Variants in LHFPL3 observed in about 807,000 individuals in gnomAD.
The protein encoded by LHFPL3 is LHFPL tetraspan subfamily member 3.
Under a neutral mutation model 19.3 loss-of-function variants are expected in LHFPL3, and 5 were observed. That is an observed-to-expected ratio of 0.26 (90% CI 0.14 to 0.54). The LOEUF (loss-of-function observed/expected upper bound fraction) is 0.54, where lower values mean the gene tolerates loss of function less well. Among genes scored for constraint, LHFPL3 ranks in the 20% least tolerant of loss-of-function variants. The pLI, the probability that LHFPL3 is intolerant of heterozygous loss-of-function variation, is 0.94. For missense variants in LHFPL3, 249 were observed against 307.4 expected (o/e 0.81, Z 1.42); for synonymous variants, 133 against 126.2 (o/e 1.05, Z -0.36).
chr7:104,872,410 C>G (rs946290857), intron 2 of LHFPL3, among the ~76,000 whole-genome samples: 6 of 151,818 alleles, frequency 4.0e-5, no homozygotes, highest in Admixed American at 3.3e-4. Context: ...TTTAGGAGGC[C>G]AAGGTGGGTG....
chr7:104,699,482 C>T (rs575913734), intron 1 of LHFPL3, among the ~76,000 whole-genome samples: 2 of 152,158 alleles, frequency 1.3e-5, no homozygotes, highest in African/African-American at 2.4e-5. Context: ...ACGTGCGGTT[C>T]CATGAGTAGT....
intron 1 of LHFPL3, among the ~76,000 whole-genome samples, chr7:104,676,804 T>C (rs192345321): frequency 1.3e-5 from 2 of 152,360 alleles, no homozygotes; most frequent in East Asian, 3.9e-4. Flanking sequence ...GAGGACAGTG[T>C]GTCCTATTTG....
chr7:104,756,111 G>A (rs1794280475), intron 2 of LHFPL3, among the ~76,000 whole-genome samples: 1 of 152,034 alleles, frequency 6.6e-6, no homozygotes, highest in African/African-American at 2.4e-5. Flanking sequence ...TAGACAGCTG[G>A]ATAAATAGTG....
Position 104,598,694 on chromosome 7 carries a change from A to G in LHFPL3, c.446-137981A>G, listed in dbSNP as rs1790910662. Reference sequence around the variant, plus strand: ...TTCATCATAGAGTCCTTCTCTACTCATAACAATGCTCTTGCTCATTCCTTT... The same window carrying G: ...TTCATCATAGAGTCCTTCTCTACTCGTAACAATGCTCTTGCTCATTCCTTT... On this transcript the variant is annotated intron_variant, in intron 1 of 2. Coordinates refer to ENST00000424859, the MANE Select transcript of LHFPL3 (RefSeq NM_199000.3). Among the ~76,000 whole-genome samples the G allele has an allele frequency of 2.0e-5, 3 of 152,252 alleles. No individual in the cohort carries two copies. The South Asian group carries it at 6.2e-4, about 31-fold the overall frequency.
At chr7:104,884,931 G>C (rs1205960732) in intron 2 of LHFPL3, among the ~76,000 whole-genome samples, 1 of 152,160 alleles carries the variant, frequency 6.6e-6, no homozygotes, top group Non-Finnish European at 1.5e-5. Context: ...GGAGGTGCAA[G>C]AGGAGGAATG....
At chr7:104,653,690 G>A (rs571903022) in intron 1 of LHFPL3, among the ~76,000 whole-genome samples, 3 of 152,078 alleles carry the variant, frequency 2.0e-5, no homozygotes, top group African/African-American at 7.2e-5. Context: ...ATGTGTACAG[G>A]TCACCCTTTT....
At chr7:104,392,299 T>G (rs2116474693) in intron 1 of LHFPL3, among the ~76,000 whole-genome samples, 1 of 151,800 alleles carries the variant, frequency 6.6e-6, no homozygotes, top group South Asian at 2.1e-4. Flanking sequence ...TTTTGCCCAT[T>G]CAGTATGATA....
chr7:104,874,009 G>A (rs1791886119), intron 2 of LHFPL3, among the ~76,000 whole-genome samples: 1 of 152,172 alleles, frequency 6.6e-6, no homozygotes, highest in Non-Finnish European at 1.5e-5. Context: ...CTGGCCCATG[G>A]GGTCTTCCCT....
chr7:104,587,960 T>C (rs537699196), intron 1 of LHFPL3, among the ~76,000 whole-genome samples: 3 of 152,194 alleles, frequency 2.0e-5, no homozygotes, highest in Non-Finnish European at 4.4e-5. Context: ...CACTTGTTAA[T>C]GGGGTTGTTT....
chr7:104,760,048 C>A (rs1206077634), intron 2 of LHFPL3, among the ~76,000 whole-genome samples: 2 of 152,172 alleles, frequency 1.3e-5, no homozygotes, highest in African/African-American at 4.8e-5. Flanking sequence ...GGAGAGCTTA[C>A]TATTAAAGTA....
chr7:104,821,318 C>T (rs890329365), intron 2 of LHFPL3, among the ~76,000 whole-genome samples: 2 of 152,094 alleles, frequency 1.3e-5, no homozygotes, highest in Admixed American at 6.5e-5. Flanking sequence ...GCATCCTCCT[C>T]GTGGGTGGCA....
At chr7:104,489,043 G>C (rs765347524) in intron 1 of LHFPL3, among the ~76,000 whole-genome samples, 11 of 150,516 alleles carry the variant, frequency 7.3e-5, no homozygotes, top group Non-Finnish European at 1.3e-4. Context: ...TCACTGCCTT[G>C]AAATCTTGCT....
At chr7:104,891,804 C>A (rs911244681) in intron 2 of LHFPL3, among the ~76,000 whole-genome samples, 18 of 152,322 alleles carry the variant, frequency 1.2e-4, no homozygotes, top group Middle Eastern at 3.4e-3. Context: ...TCTGTGACAG[C>A]CACCAAAGGC....
At chr7:104,518,980 G>A (rs1343855914) in intron 1 of LHFPL3, among the ~76,000 whole-genome samples, 1 of 152,024 alleles carries the variant, frequency 6.6e-6, no homozygotes, top group African/African-American at 2.4e-5. Context: ...AGTATTTTGG[G>A]GAGATACATG....
intron 1 of LHFPL3, among the ~76,000 whole-genome samples, chr7:104,577,470 G>A (rs189146830): frequency 1.3e-3 from 200 of 152,130 alleles, no homozygotes; most frequent in African/African-American, 4.6e-3. Context: ...ACACACACAC[G>A]TATATATACA....
intron 1 of LHFPL3, among the ~76,000 whole-genome samples, chr7:104,490,075 C>T (rs1793313231): frequency 6.6e-6 from 1 of 152,166 alleles, no homozygotes; most frequent in Admixed American, 6.5e-5. Flanking sequence ...CCTGTCTCAT[C>T]ATTATGTCCT....
chr7:104,484,409 T>C lies in LHFPL3; in HGVS notation c.445+155185T>C, dbSNP rs548467721. 9.2e-5 allele frequency among the ~76,000 whole-genome samples: 14 copies of C among 152,296 alleles called. No homozygotes were observed. The South Asian group carries it at 2.3e-3, about 25-fold the overall frequency. ...CAGCATGGCCATTGCTGGGCCAAAG[T>C]GCTGAGGATGGAGCATGTTAGTGAG... On this transcript the variant is annotated intron_variant, in intron 1 of 2. Transcript: ENST00000424859.
intron 1 of LHFPL3, among the ~76,000 whole-genome samples, chr7:104,667,598 A>G (rs1001850875): frequency 1.4e-4 from 22 of 152,226 alleles, no homozygotes; most frequent in Non-Finnish European, 1.8e-4. Flanking sequence ...CTATCAGCAT[A>G]ACTAATATTT....
chr7:104,435,814 A>G (rs2116569174), intron 1 of LHFPL3, among the ~76,000 whole-genome samples: 1 of 152,168 alleles, frequency 6.6e-6, no homozygotes, highest in South Asian at 2.1e-4. Flanking sequence ...ATGGCTATTT[A>G]TAGACTGGCC....
Sources: allele counts gnomAD v4.1 joint callset (sites outside exome capture counted in the v4.1 genomes callset), GRCh38; gene constraint gnomAD v4.1.1; transcripts MANE v1.5; gene names NCBI Gene and HGNC (gene_info 2026-07-23, HGNC 2026-07-21).